The following CDH23 variants were observed in gnomAD, a reference collection of about 807,000 sequenced individuals.
The protein encoded by CDH23 is cadherin related 23, also known as cadherin-23.
In CDH23, 189 loss-of-function variants were observed where a neutral mutation model predicts 317.1. The observed-to-expected ratio is 0.60, with a 90% CI of 0.53 to 0.67. The LOEUF (loss-of-function observed/expected upper bound fraction) is 0.67. Ranked by LOEUF, CDH23 falls within the 30% of genes least tolerant of loss-of-function variation. The pLI, the probability that CDH23 is intolerant of heterozygous loss-of-function variation, is 0.00. For synonymous variants in CDH23, 1,839 were observed against 1,876.8 expected, an observed-to-expected ratio of 0.98 and a Z score of 0.52; for missense variants, 4,401 against 4,592.4, an observed-to-expected ratio of 0.96 and a Z score of 1.20.
chr10:71,677,707 G>A lies in CDH23; in HGVS notation c.1752+14G>A. The A allele has an allele frequency of 6.5e-7, 1 of 1,541,986 alleles. No individual in the cohort carries two copies. The highest frequency in any genetic ancestry group is 1.4e-5 in the African/African-American group (1 of 73,000). On this transcript the variant is annotated intron_variant, in intron 16 of 69. Coordinates refer to ENST00000224721, the MANE Select transcript of CDH23 (RefSeq NM_022124.6). ...GTGCGGCTCCGGGTAAGGTGCCAGGGAGCCCTGCACTCCTGCCATTTATCT... is the reference window on the plus strand; with the variant it reads ...GTGCGGCTCCGGGTAAGGTGCCAGGAAGCCCTGCACTCCTGCCATTTATCT...
intron 1 of CDH23, among the ~76,000 whole-genome samples, chr10:71,434,621 G>C (rs959090627): frequency 6.6e-6 from 1 of 152,132 alleles, no homozygotes; most frequent in Non-Finnish European, 1.5e-5. Flanking sequence ...GCCCAGAGCT[G>C]GTCTGAGCAG....
In CDH23 at chr10:71,810,579, G is replaced by A. The variant is rs1278375974; in HGVS notation, c.9077+10G>A. 2.5e-6 allele frequency: 4 copies of A among 1,613,138 alleles called. No homozygotes were observed. Among genetic ancestry groups the A allele is most frequent in the Admixed American group, 3.3e-5 (2 of 59,994 alleles). ...TCCTGGACGTGGACCGGTGAGTCGG[G>A]GCCTGTGTTTGGACTGTCAGCCTGT... On this transcript the variant is annotated intron_variant, in intron 62 of 69. Transcript: ENST00000224721.
In CDH23 at chr10:71,812,010, T is replaced by C; in HGVS notation, c.9375T>C (p.Phe3125=). ...TGCCTAACACCAACAAGTACTCCTT[T>C]GATGGGTGAGTGGGGTACTGGCCCT... is the stretch of plus-strand genomic sequence containing the variant. ...MDMPNTNKYS[F]DGANPVWLDP... The change falls in exon 66 of 70, where the codon TTT becomes TTC. Residue 3125 remains phenylalanine, a synonymous_variant. Transcript: ENST00000224721. 1 of 1,613,972 alleles carries C rather than the reference T, an allele frequency of 6.2e-7. No individual in the cohort carries two copies. The highest frequency in any genetic ancestry group is 8.5e-7 in the Non-Finnish European group (1 of 1,179,866).
chr10:71,578,556 C>T (rs866266501), intron 9 of CDH23, among the ~76,000 whole-genome samples: 4 of 152,184 alleles, frequency 2.6e-5, no homozygotes, highest in Admixed American at 6.5e-5. Context: ...TAGTGACTGA[C>T]GGCAGAGATG....
At chr10:71,736,230 G>C (rs752868212) in intron 34 of CDH23, among the ~76,000 whole-genome samples, 4 of 152,218 alleles carry the variant, frequency 2.6e-5, no homozygotes, top group Non-Finnish European at 2.9e-5. Flanking sequence ...GTTCTGCCCT[G>C]GCTTCCTCTG....
At chr10:71,669,655 C>T (rs1230744519) in intron 14 of CDH23, among the ~76,000 whole-genome samples, 3 of 152,122 alleles carry the variant, frequency 2.0e-5, no homozygotes, top group African/African-American at 4.8e-5. Flanking sequence ...ACCGTGTTGG[C>T]CAGAATGGCC....
intron 12 of CDH23, among the ~76,000 whole-genome samples, chr10:71,644,211 G>A (rs960722937): frequency 6.6e-6 from 1 of 152,242 alleles, no homozygotes; most frequent in Non-Finnish European, 1.5e-5. Context: ...CTTTGGGCTG[G>A]GGCTCTGGAG....
rs1269560439 is a variant in CDH23 at position 71,712,542 on chromosome 10, G to T, written c.3221-123G>T. On this transcript the variant is annotated intron_variant, in intron 27 of 69. Transcript: ENST00000224721. ...AAAAAGGAAGTCACCCCTTGCAAAG[G>T]CTAGGGCAGATGGGGCGGAACAGGG... is the stretch of plus-strand genomic sequence containing the variant. 2.8e-6 allele frequency: 3 copies of T among 1,087,996 alleles called. No homozygotes were observed. In the East Asian group the frequency reaches 7.7e-5, roughly 28 times the overall value. 67.4% of individuals were successfully genotyped at this position (1,087,996 alleles called of 1,614,324 possible).
rs1344509500 is a variant in CDH23, at chr10:71,810,017, G to T, written c.8920G>T (p.Glu2974Ter). 10 of 1,612,516 alleles carry T rather than the reference G, an allele frequency of 6.2e-6. No individual in the cohort carries two copies. Among genetic ancestry groups the T allele is most frequent in the Middle Eastern group, 1.6e-4 (1 of 6,084 alleles). Residue 2974 changes from glutamate to a stop codon, truncating the protein, a stop_gained, in exon 61 of 70, where the codon GAG (glutamate) becomes TAG (stop). Coordinates refer to ENST00000224721, the MANE Select transcript of CDH23 (RefSeq NM_022124.6). LOFTEE classifies it high-confidence loss of function. ...CGACCGTGTGCGCGGCTTCGAGGAG[G>T]AGTTCATCCACCTGCTCTCCAACAT... ...IPDRVRGFEE[E>*]FIHLLSNITG...
intron 12 of CDH23, 135 bp downstream of exon 12, chr10:71,644,001 C>T: frequency 4.5e-6 from 3 of 662,108 alleles, no homozygotes; most frequent in Non-Finnish European, 8.2e-6. Context: ...GGTTGAGGGA[C>T]CAAAGGTTCA....
At chr10:71,550,729 C>T (rs1309786880) in intron 6 of CDH23, among the ~76,000 whole-genome samples, 4 of 152,158 alleles carry the variant, frequency 2.6e-5, no homozygotes, top group Non-Finnish European at 5.9e-5. Context: ...ACCGTCCCAT[C>T]CTCAAGGCCA....
chr10:71,679,221 A>T (rs1864504665), intron 16 of CDH23, among the ~76,000 whole-genome samples, 166 bp from the exon 17 acceptor site: 1 of 152,186 alleles, frequency 6.6e-6, no homozygotes, highest in Admixed American at 6.5e-5. Context: ...GTTGAAGCAC[A>T]AGGGGTGCCT....
chr10:71,579,993 G>A (rs1197613744), intron 9 of CDH23, among the ~76,000 whole-genome samples: 1 of 152,184 alleles, frequency 6.6e-6, no homozygotes, highest in Non-Finnish European at 1.5e-5. Flanking sequence ...CCTGGATGGA[G>A]GTGGGGAGCA....
intron 30 of CDH23, among the ~76,000 whole-genome samples, chr10:71,725,942 T>G (rs1443311680): frequency 6.6e-6 from 1 of 152,178 alleles, no homozygotes; most frequent in Non-Finnish European, 1.5e-5. Flanking sequence ...GCCCCCATCT[T>G]CTGAATCCAA....
rs114383765 is a variant in CDH23 at position 71,514,230 on chromosome 10, G to T, written c.429+3018G>T. 6.6e-3 allele frequency among the ~76,000 whole-genome samples: 1,000 copies of T among 152,292 alleles called. 10 individuals are homozygous for T. The highest frequency in any genetic ancestry group is 0.019 in the African/African-American group (779 of 41,544). ...CCCAGCAGAATTTCCCAGGGGACTG[G>T]TTAGAAAGCATATTCCCAACCTCTG... is the stretch of plus-strand genomic sequence containing the variant. On this transcript the variant is annotated intron_variant, in intron 6 of 69. Coordinates refer to ENST00000224721, the MANE Select transcript of CDH23 (RefSeq NM_022124.6).
Position 71,815,614 on chromosome 10 carries a change from C to A in CDH23, c.*336C>A. On this transcript the variant is annotated 3_prime_UTR_variant, in exon 70 of 70. Coordinates refer to ENST00000224721, the MANE Select transcript of CDH23 (RefSeq NM_022124.6). ...CTGAGCTGAAAGAGGCCAAACAGGC[C>A]CTCCTCCCTCCCAGCTCCACCCCGC... is the stretch of plus-strand genomic sequence containing the variant. The A allele has an allele frequency of 4.4e-6, 1 of 227,272 alleles. No homozygotes were observed. Among genetic ancestry groups the A allele is most frequent in the Non-Finnish European group, 8.6e-6 (1 of 115,706 alleles). 14.1% of individuals were successfully genotyped at this position (227,272 alleles called of 1,614,324 possible).
At position 71,811,745 on chromosome 10, in the gene CDH23, G is replaced by T. The variant is rs376432892; in HGVS notation, c.9311G>T (p.Gly3104Val). 9 of 1,580,874 alleles carry T rather than the reference G, an allele frequency of 5.7e-6. No individual in the cohort carries two copies. In the African/African-American group the frequency reaches 1.1e-4, roughly 19 times the overall value. The change falls in exon 65 of 70, where the codon GGC (glycine) becomes GTC (valine). Residue 3104 changes from glycine to valine, a missense_variant. Physicochemically the swap from Gly to Val is moderately radical, Grantham distance 109 (BLOSUM62 -3). This residue lies in a region of CDH23 where 1,144 missense variants were observed against 1,138.2 expected (regional missense o/e 1.01). Coordinates refer to ENST00000224721, the MANE Select transcript of CDH23 (RefSeq NM_022124.6). ...AGGAAGCTCAAGGCCATTGTGGCTG[G>T]CTCAGCTGGTAAGTGAGGGCCATAG... Reference protein sequence around the residue: ...HKRKLKAIVAGSAGNRGFIDI... With the variant: ...HKRKLKAIVAVSAGNRGFIDI...
rs530262439 is a variant in CDH23, at chr10:71,441,247, G to A, written c.67+1349G>A. Among the ~76,000 whole-genome samples the A allele has an allele frequency of 5.9e-5, 9 of 152,030 alleles. No homozygotes were observed. In the South Asian group the frequency reaches 1.3e-3, roughly 21 times the overall value. ...GTCAGGATATCACCCCCCTCACCCC[G>A]CTCCCCCCCTGCCTCATGTGGGAGG... On this transcript the variant is annotated intron_variant, in intron 2 of 69. Transcript: ENST00000224721.
At chr10:71,500,412 C>T (rs1439099202) in intron 3 of CDH23, among the ~76,000 whole-genome samples, 1 of 152,200 alleles carries the variant, frequency 6.6e-6, no homozygotes, top group Admixed American at 6.5e-5. Flanking sequence ...AGTGCAGACA[C>T]CTGTGTGGCC....
Sources: allele counts gnomAD v4.1 joint callset (sites outside exome capture counted in the v4.1 genomes callset), GRCh38; gene constraint gnomAD v4.1.1; regional missense constraint gnomAD v4.1.1; transcripts MANE v1.5; gene names NCBI Gene and HGNC (gene_info 2026-07-23, HGNC 2026-07-21).